Variants in MAGI2 observed in about 807,000 individuals in gnomAD.
MAGI2 encodes membrane associated guanylate kinase, WW and PDZ domain containing 2.
Under a neutral mutation model 133.3 loss-of-function variants are expected in MAGI2, and 35 were observed. That is an observed-to-expected ratio of 0.26 (90% CI 0.20 to 0.35). The LOEUF (loss-of-function observed/expected upper bound fraction) is 0.35. Ranked by LOEUF, MAGI2 falls within the 10% of genes least tolerant of loss-of-function variation. The probability of loss-of-function intolerance (pLI) is 1.00; values close to 1 mark genes in which losing one functional copy is unlikely to be tolerated. For synonymous variants in MAGI2, 729 were observed against 710.6 expected (o/e 1.03, Z -0.41); for missense variants, 1,636 against 1,863.4 (o/e 0.88, Z 2.25).
chr7:78,291,059 T>C (rs1796656207), intron 9 of MAGI2, among the ~76,000 whole-genome samples: 1 of 152,172 alleles, frequency 6.6e-6, no homozygotes, highest in Admixed American at 6.5e-5. Context: ...ATTCAAAAGT[T>C]AGCAGAAGGT....
chr7:78,857,330 C>A (rs578220), intron 2 of MAGI2, among the ~76,000 whole-genome samples: 94,597 of 151,676 alleles, frequency 0.62, 30,552 homozygotes, highest in East Asian at 0.73. Flanking sequence ...TGTCTTGTGC[C>A]AGTTTTCAAA....
chr7:78,972,248 CT>C (rs1171073966), intron 2 of MAGI2, among the ~76,000 whole-genome samples: 1 of 151,834 alleles, frequency 6.6e-6, no homozygotes, highest in African/African-American at 2.4e-5. Context: ...CTAAAATATA[CT>C]TCTCTAAATA....
At chr7:79,291,471 A>C (rs1467066590) in intron 1 of MAGI2, among the ~76,000 whole-genome samples, 1 of 152,134 alleles carries the variant, frequency 6.6e-6, no homozygotes, top group Non-Finnish European at 1.5e-5. Context: ...TTTCTGTTTA[A>C]TATTTTGAGG....
chr7:78,571,170 C>T (rs1801458259), intron 3 of MAGI2, among the ~76,000 whole-genome samples: 1 of 152,152 alleles, frequency 6.6e-6, no homozygotes, highest in South Asian at 2.1e-4. Flanking sequence ...CATTCTCCAA[C>T]ATGCAAATTA....
intron 1 of MAGI2, among the ~76,000 whole-genome samples, chr7:79,055,991 A>C (rs1247274697): frequency 1.3e-5 from 2 of 152,192 alleles, no homozygotes; most frequent in Non-Finnish European, 2.9e-5. Flanking sequence ...TTTTAGACAA[A>C]AGAAACAGGT....
intron 1 of MAGI2, among the ~76,000 whole-genome samples, chr7:79,195,117 C>A (rs1485908615): frequency 2.0e-5 from 3 of 151,916 alleles, no homozygotes; most frequent in African/African-American, 7.3e-5. Context: ...ATAAAATTAA[C>A]AACTGTCATT....
intron 2 of MAGI2, among the ~76,000 whole-genome samples, chr7:78,787,225 C>T (rs926530508): frequency 1.4e-4 from 21 of 152,106 alleles, no homozygotes; most frequent in African/African-American, 4.1e-4. Flanking sequence ...GGATTACAGG[C>T]GTGAGCCATT....
chr7:78,274,613 C>CT (rs34832831), intron 9 of MAGI2, among the ~76,000 whole-genome samples: 4,135 of 149,012 alleles, frequency 0.028, 164 homozygotes, highest in African/African-American at 0.091. Flanking sequence ...GGGGTGCTGC[C>CT]TTTTTTTTTT....
intron 7 of MAGI2, among the ~76,000 whole-genome samples, chr7:78,368,225 G>A (rs1244887674): frequency 6.6e-6 from 1 of 152,172 alleles, no homozygotes; most frequent in Non-Finnish European, 1.5e-5. Context: ...CCTAATAAAA[G>A]CTCAGTAACC....
chr7:78,873,966 C>G (rs1795226046), intron 2 of MAGI2, among the ~76,000 whole-genome samples: 1 of 151,878 alleles, frequency 6.6e-6, no homozygotes, highest in Non-Finnish European at 1.5e-5. Context: ...CTAGAAAAAC[C>G]CAAGAATAAA....
At chr7:78,321,137 A>G (rs1283077902) in intron 9 of MAGI2, among the ~76,000 whole-genome samples, 2 of 152,246 alleles carry the variant, frequency 1.3e-5, no homozygotes, top group Non-Finnish European at 2.9e-5. Flanking sequence ...AACAAATGGA[A>G]GAACATTCTA....
rs57994143 is a variant in MAGI2 at position 78,545,623 on chromosome 7, C to T, written c.539-23978G>A. Reference sequence around the variant, plus strand: ...CATTAGCCAGCAGTAAATTGCTAACCGCTATTTAATGACATTGTTGGTAGA... The same window carrying T: ...CATTAGCCAGCAGTAAATTGCTAACTGCTATTTAATGACATTGTTGGTAGA... On this transcript the variant is annotated intron_variant, in intron 3 of 21. Transcript: ENST00000354212. Among the ~76,000 whole-genome samples, 348 of 152,228 alleles carry T rather than the reference C, an allele frequency of 2.3e-3. 1 individual carries two copies. Among genetic ancestry groups the T allele is most frequent in the African/African-American group, 7.7e-3 (321 of 41,542 alleles).
chr7:78,523,635 T>C (rs1292963421), intron 3 of MAGI2, among the ~76,000 whole-genome samples: 1 of 152,098 alleles, frequency 6.6e-6, no homozygotes, highest in Non-Finnish European at 1.5e-5. Flanking sequence ...AGCAAGCCCC[T>C]TCTTCACAAG....
intron 1 of MAGI2, among the ~76,000 whole-genome samples, chr7:79,375,602 C>T (rs1354147053): frequency 6.9e-6 from 1 of 143,938 alleles, no homozygotes; most frequent in Non-Finnish European, 1.5e-5. Flanking sequence ...ATTTGGTCTT[C>T]AGGAAACTCT....
intron 9 of MAGI2, among the ~76,000 whole-genome samples, chr7:78,295,698 C>T (rs75282790): frequency 1.3e-5 from 2 of 152,234 alleles, no homozygotes; most frequent in East Asian, 1.9e-4. Context: ...TAATCTCATC[C>T]GATCCCATGG....
chr7:78,246,033 G>A (rs2150922940), intron 10 of MAGI2, among the ~76,000 whole-genome samples: 1 of 152,118 alleles, frequency 6.6e-6, no homozygotes, highest in East Asian at 1.9e-4. Context: ...ACCCTACCCT[G>A]TGAGGCCAAG....
At chr7:78,034,541 T>C (rs909324492) in intron 21 of MAGI2, among the ~76,000 whole-genome samples, 1 of 152,166 alleles carries the variant, frequency 6.6e-6, no homozygotes, top group Admixed American at 6.5e-5. Flanking sequence ...TTTTATTTTA[T>C]TTTTTAGATG....
chr7:78,451,406 C>T (rs1202165969), intron 6 of MAGI2, among the ~76,000 whole-genome samples: 1 of 152,006 alleles, frequency 6.6e-6, no homozygotes, highest in Non-Finnish European at 1.5e-5. Flanking sequence ...TAGAATAATG[C>T]AGTGTCAGTC....
At chr7:78,726,547 A>C (rs1820825377) in intron 2 of MAGI2, among the ~76,000 whole-genome samples, 1 of 152,218 alleles carries the variant, frequency 6.6e-6, no homozygotes, top group Non-Finnish European at 1.5e-5. Context: ...CTTTAACTGA[A>C]GTTAGATAAA....
Sources: gnomAD v4.1 joint callset for allele counts (sites outside exome capture counted in the v4.1 genomes callset) on GRCh38, gnomAD v4.1.1 for gene constraint, MANE v1.5 for transcripts, NCBI Gene and HGNC (gene_info 2026-07-23, HGNC 2026-07-21) for gene names.